CHAF1A: variants seen among roughly 807,000 people sequenced by gnomAD.
CHAF1A encodes CAF-1 subunit A.
Under a neutral mutation model 93.2 loss-of-function variants are expected in CHAF1A, and 5 were observed. That is an observed-to-expected ratio of 0.05 (90% confidence interval 0.03 to 0.11). CHAF1A has a LOEUF of 0.11. Among genes scored for constraint, CHAF1A ranks in the 10% least tolerant of loss-of-function variants. The pLI is 1.00. For synonymous variants in CHAF1A, 504 were observed against 510.3 expected (o/e 0.99, Z 0.17); for missense variants, 1,102 against 1,259.9 (o/e 0.87, Z 1.90).
chr19:4,420,494 C>T (rs538427632), intron 4 of CHAF1A, among the ~76,000 whole-genome samples: 16 of 152,194 alleles, frequency 1.1e-4, no homozygotes, highest in East Asian at 7.7e-4. Context: ...CCGCCTGCCT[C>T]GGCTTCCCAA....
downstream of CHAF1A, chr19:4,446,248 C>T: frequency 6.4e-7 from 1 of 1,570,728 alleles, no homozygotes; most frequent in Non-Finnish European, 8.6e-7. Context: ...CCCTACCAAC[C>T]CGAGCCGCCC....
At chr19:4,430,018 G>A (rs539047730) in intron 10 of CHAF1A, 63 of 514,510 alleles carry the variant, frequency 1.2e-4, no homozygotes, top group South Asian at 8.1e-4. Context: ...ATGGGATCCC[G>A]TCCGCATCTG....
In CHAF1A at chr19:4,422,008, A is replaced by ATTT. The variant is rs765787830; in HGVS notation, c.1018-543_1018-541dup. Reference sequence around the variant, plus strand: ...GGGTACCCTCCACCACGCCTGGCTAATTTTTTTTTTTTTTTTTATTAAATG... The same window carrying ATTT: ...GGGTACCCTCCACCACGCCTGGCTAATTTTTTTTTTTTTTTTTTTTATTAAATG... On this transcript the variant is annotated intron_variant, in intron 4 of 14. Transcript: ENST00000301280. This position sits in a 1 kb window ranked among gnomAD's most constrained non-coding sequence, Gnocchi z 4.6. 2.9e-5 allele frequency among the ~76,000 whole-genome samples: 4 copies of ATTT among 138,256 alleles called. No individual in the cohort carries two copies. The allele number at this position is 138,256 out of a possible 152,430, so 90.7% of individuals were successfully genotyped here.
downstream of CHAF1A, chr19:4,448,555 G>C: frequency 1.4e-6 from 1 of 704,714 alleles, no homozygotes; most frequent in Non-Finnish European, 2.4e-6. Flanking sequence ...TCACAGAAAG[G>C]AAAAGAGAGA....
rs1447643649 is a variant in CHAF1A, at chr19:4,418,012, G to T, written c.961-8G>T. The T allele has an allele frequency of 1.3e-6, 2 of 1,598,020 alleles. No homozygotes were observed. The highest frequency in any genetic ancestry group is 1.7e-6 in the Non-Finnish European group (2 of 1,170,468). ...CCGTGTTTAAAGATAAACGTCTTCTGTTTTCAGATAACTAAGAAATTCGTC... is the reference window on the plus strand; with the variant it reads ...CCGTGTTTAAAGATAAACGTCTTCTTTTTTCAGATAACTAAGAAATTCGTC... On this transcript the variant is annotated splice_polypyrimidine_tract_variant and splice_region_variant and intron_variant, in intron 3 of 14. Transcript: ENST00000301280.
chr19:4,409,908 T>G, intron 3 of CHAF1A, 149 bp downstream of exon 3: 1 of 861,180 alleles, frequency 1.2e-6, no homozygotes, highest in Non-Finnish European at 1.8e-6. Context: ...CTTCCTGGTA[T>G]CAAAACTCAC....
At chr19:4,446,424 G>T (rs367564016), downstream of CHAF1A, 4 of 1,577,004 alleles carry the variant, frequency 2.5e-6, no homozygotes, top group Admixed American at 7.1e-5. Context: ...CTGCACACGC[G>T]GGCCAGGTCA....
intron 11 of CHAF1A, 89 bp downstream of exon 11, chr19:4,430,730 G>A: frequency 7.3e-7 from 1 of 1,373,174 alleles, no homozygotes; most frequent in Admixed American, 1.8e-5. Context: ...GGTGACGGGG[G>A]TCCCAGCCCA....
chr19:4,410,275 G>A (rs548481514), intron 3 of CHAF1A, among the ~76,000 whole-genome samples: 13 of 152,154 alleles, frequency 8.5e-5, no homozygotes, highest in African/African-American at 3.1e-4. Flanking sequence ...AGGCACAGTG[G>A]CTCATGCCTG....
chr19:4,408,727 C>A (rs1177972032), intron 2 of CHAF1A, among the ~76,000 whole-genome samples, 176 bp from the exon 3 acceptor site: 1 of 151,630 alleles, frequency 6.6e-6, no homozygotes, highest in Non-Finnish European at 1.5e-5. Flanking sequence ...CTTGCCTCGG[C>A]CTCCCCAAAG....
Position 4,429,421 on chromosome 19 carries a change from G to C in CHAF1A, c.1605-17G>C, listed in dbSNP as rs188599981. ...TGTAAGGCAGCGTGATCCTGAGCCT[G>C]GGGTTTTCCTTCTCAGTGATGTCGT... On this transcript the variant is annotated splice_polypyrimidine_tract_variant and intron_variant, in intron 8 of 14. Coordinates refer to ENST00000301280, the MANE Select transcript of CHAF1A (RefSeq NM_005483.3). 733 of 1,612,364 alleles carry C rather than the reference G, an allele frequency of 4.5e-4. 1 individual carries two copies. The highest frequency in any genetic ancestry group is 8.8e-5 in the Non-Finnish European group (104 of 1,179,220).
chr19:4,450,700 A>C, the CHAF1A span: 2 of 132,872 alleles, frequency 1.5e-5, no homozygotes, highest in Non-Finnish European at 3.1e-5. Flanking sequence ...CGGAGCTTGC[A>C]GTGAGCAGAG....
chr19:4,433,043 A>C lies in CHAF1A; in HGVS notation c.2204-27A>C. 1 of 1,501,582 alleles carries C rather than the reference A, an allele frequency of 6.7e-7. No homozygotes were observed. The highest frequency in any genetic ancestry group is 2.4e-5 in the East Asian group (1 of 40,858). 93.0% of individuals were successfully genotyped at this position (1,501,582 alleles called of 1,614,324 possible). On this transcript the variant is annotated intron_variant, in intron 12 of 14. Transcript: ENST00000301280. The surrounding 1 kb of genome is among the most constrained non-coding windows in gnomAD (Gnocchi z 5.6). ...GGTGATGGGTGGCTCCCCAAGCCTC[A>C]TGCCCACCCATGTTCCCTCCTGCCA... is the stretch of plus-strand genomic sequence containing the variant.
At chr19:4,442,144 G>A in intron 13 of CHAF1A, 101 bp from the exon 14 acceptor site, 1 of 874,174 alleles carries the variant, frequency 1.1e-6, no homozygotes, top group Non-Finnish European at 1.9e-6. Context: ...TGTTGGGGGT[G>A]GGAGGAAGGT....
downstream of CHAF1A, chr19:4,448,361 T>A (rs1169903793): frequency 6.2e-7 from 1 of 1,610,788 alleles, no homozygotes; most frequent in Admixed American, 1.7e-5. Flanking sequence ...TCCTGGTCTT[T>A]GTTGAACGTG....
At chr19:4,437,900 C>T (rs930509804) in intron 13 of CHAF1A, among the ~76,000 whole-genome samples, 4 of 152,058 alleles carry the variant, frequency 2.6e-5, no homozygotes, top group African/African-American at 4.8e-5. Flanking sequence ...CCACCACGCC[C>T]AGCTAATTTT....
At chr19:4,423,516 C>T (rs963636918) in intron 6 of CHAF1A, 121 bp downstream of exon 6, 2 of 1,537,312 alleles carry the variant, frequency 1.3e-6, no homozygotes, top group Non-Finnish European at 1.8e-6. Context: ...CAAATGGCGC[C>T]CGCAGGGAGG....
At chr19:4,437,277 G>T (rs1599663049) in intron 13 of CHAF1A, among the ~76,000 whole-genome samples, 1 of 152,310 alleles carries the variant, frequency 6.6e-6, no homozygotes, top group Admixed American at 6.5e-5. Context: ...GAGCTTGTGT[G>T]GGGAGGGGCA....
At chr19:4,440,615 G>T (rs561368813) in intron 13 of CHAF1A, among the ~76,000 whole-genome samples, 1 of 152,058 alleles carries the variant, frequency 6.6e-6, no homozygotes, top group South Asian at 2.1e-4. Context: ...TTCACATCAG[G>T]GACGTGTTCT....
Sources: allele counts gnomAD v4.1 joint callset (sites outside exome capture counted in the v4.1 genomes callset), GRCh38; gene constraint gnomAD v4.1.1; non-coding constraint Gnocchi (gnomAD v3.1); transcripts MANE v1.5; gene names NCBI Gene and HGNC (gene_info 2026-07-23, HGNC 2026-07-21).